SNTG2: variants seen among roughly 807,000 people sequenced by gnomAD.
The protein encoded by SNTG2 is syntrophin gamma 2.
Under a neutral mutation model 70.9 loss-of-function variants are expected in SNTG2, and 74 were observed. The ratio of observed to expected loss-of-function variants is 1.04; its 90% CI spans 0.86 to 1.27. The LOEUF (loss-of-function observed/expected upper bound fraction) is 1.27, where lower values mean the gene tolerates loss of function less well. Ranked by LOEUF, SNTG2 falls within the 50% of genes most tolerant of loss-of-function variation. The pLI is 0.00. For missense variants in SNTG2, 717 were observed against 690.7 expected, an observed-to-expected ratio of 1.04 and a Z score of -0.43; for synonymous variants, 278 against 273.8, an observed-to-expected ratio of 1.02 and a Z score of -0.15.
At chr2:1,108,957 GTA>G (rs1258849123) in intron 4 of SNTG2, among the ~76,000 whole-genome samples, 3 of 19,130 alleles carry the variant, frequency 1.6e-4, no homozygotes, top group Non-Finnish European at 1.9e-4. Context: ...CGGGTGCAGG[GTA>G]TGGAGAGCTC....
intron 8 of SNTG2, among the ~76,000 whole-genome samples, chr2:1,202,032 C>A (rs1361359857): frequency 6.6e-6 from 1 of 151,846 alleles, no homozygotes; most frequent in African/African-American, 2.4e-5. Flanking sequence ...GAAAATGTTG[C>A]CAGTAGACCT....
rs529395788 is a variant in SNTG2, at chr2:1,166,601, G to T, written c.499+966G>T. The stretch of plus-strand genomic sequence containing the variant: ...CATTGGGTTTTTCACTGATACAGGA[G>T]GGGGGCAGGGAAGTGCTGGGAGGAG... On this transcript the variant is annotated intron_variant, in intron 7 of 16. Transcript: ENST00000308624. Among the ~76,000 whole-genome samples, 20 of 152,320 alleles carry T rather than the reference G, an allele frequency of 1.3e-4. 1 individual carries two copies. The highest frequency in any genetic ancestry group is 3.9e-4 in the East Asian group (2 of 5,188).
intron 16 of SNTG2, among the ~76,000 whole-genome samples, chr2:1,337,859 C>G (rs544309503): frequency 6.6e-6 from 1 of 152,054 alleles, no homozygotes; most frequent in Non-Finnish European, 1.5e-5. Context: ...GTCCTTGATT[C>G]ATTTGGGGTT....
At chr2:1,026,068 A>G (rs543083125) in intron 1 of SNTG2, among the ~76,000 whole-genome samples, 8 of 152,324 alleles carry the variant, frequency 5.3e-5, no homozygotes, top group Non-Finnish European at 1.0e-4. Context: ...ATTCTTTAAA[A>G]CCAGTCCAAA....
At chr2:1,128,850 G>A (rs530106499) in intron 4 of SNTG2, among the ~76,000 whole-genome samples, 1 of 152,164 alleles carries the variant, frequency 6.6e-6, no homozygotes, top group South Asian at 2.1e-4. Context: ...TCTTTTCACA[G>A]CCACTTAATG....
chr2:1,099,682 T>TGTGGTGAGGGCAGTC (rs1665655085), intron 4 of SNTG2, among the ~76,000 whole-genome samples: 1 of 31,542 alleles, frequency 3.2e-5, no homozygotes, highest in Non-Finnish European at 7.4e-5. Context: ...TGAGGGCAGT[T>TGTGGTGAGGGCAGTC]GTGGTGAGGG....
chr2:1,199,511 T>C (rs1366986322), intron 8 of SNTG2, among the ~76,000 whole-genome samples: 2 of 152,022 alleles, frequency 1.3e-5, no homozygotes, highest in African/African-American at 4.8e-5. Flanking sequence ...GTCCTGGAAG[T>C]CCTAGACAGA....
intron 4 of SNTG2, among the ~76,000 whole-genome samples, chr2:1,100,524 T>C (rs1407115903): frequency 6.6e-6 from 1 of 152,182 alleles, no homozygotes; most frequent in Non-Finnish European, 1.5e-5. Flanking sequence ...ATGTATTACA[T>C]CAAGTGTTAT....
chr2:1,040,287 C>G, intron 1 of SNTG2, among the ~76,000 whole-genome samples: 1 of 152,198 alleles, frequency 6.6e-6, no homozygotes, highest in East Asian at 1.9e-4. Flanking sequence ...TTGAAGCTTC[C>G]CAGGCCATTC....
chr2:1,033,825 G>A (rs1230484493), intron 1 of SNTG2, among the ~76,000 whole-genome samples: 1 of 152,164 alleles, frequency 6.6e-6, no homozygotes, highest in Non-Finnish European at 1.5e-5. Context: ...TTAGTTACTG[G>A]TCCAGCCTGT....
At chr2:1,159,421 T>C (rs781675163) in intron 6 of SNTG2, 1 of 152,216 alleles carries the variant, frequency 6.6e-6, no homozygotes, top group Non-Finnish European at 1.5e-5. Flanking sequence ...AGATGATATC[T>C]AGTAAACAAA....
At chr2:971,717 T>TA (rs1660746255) in intron 1 of SNTG2, among the ~76,000 whole-genome samples, 2 of 151,732 alleles carry the variant, frequency 1.3e-5, no homozygotes. Flanking sequence ...TTTCCTCCTT[T>TA]TTTTTTTTCT....
chr2:1,236,556 C>T (rs1676673191), intron 9 of SNTG2, among the ~76,000 whole-genome samples: 1 of 152,244 alleles, frequency 6.6e-6, no homozygotes, highest in African/African-American at 2.4e-5. Context: ...TGTTCATCGC[C>T]ATCAGGCAGA....
intron 1 of SNTG2, among the ~76,000 whole-genome samples, chr2:986,534 G>A (rs1395377379): frequency 1.3e-5 from 2 of 152,220 alleles, no homozygotes; most frequent in Non-Finnish European, 2.9e-5. Flanking sequence ...TTTCAGATAA[G>A]ACACATTTGG....
At chr2:1,300,007 G>A (rs1680381427) in intron 14 of SNTG2, among the ~76,000 whole-genome samples, 1 of 151,606 alleles carries the variant, frequency 6.6e-6, no homozygotes, top group Admixed American at 6.6e-5. Context: ...TGAAGGGCGT[G>A]CAAGACAGGT....
At chr2:1,260,702 A>G (rs1485996417) in intron 13 of SNTG2, among the ~76,000 whole-genome samples, 1 of 152,224 alleles carries the variant, frequency 6.6e-6, no homozygotes, top group African/African-American at 2.4e-5. Flanking sequence ...TGAAAATGGC[A>G]AAAAGGAAGC....
intron 1 of SNTG2, among the ~76,000 whole-genome samples, chr2:1,079,754 A>C (rs1664159818): frequency 6.6e-6 from 1 of 152,234 alleles, no homozygotes; most frequent in African/African-American, 2.4e-5. Flanking sequence ...AGGACAATTA[A>C]CCGGTAGCAA....
At chr2:1,234,303 G>T (rs565627317) in intron 9 of SNTG2, among the ~76,000 whole-genome samples, 1 of 152,196 alleles carries the variant, frequency 6.6e-6, no homozygotes, top group Non-Finnish European at 1.5e-5. Flanking sequence ...AGTGAGCCAC[G>T]CTGTGAACTT....
At chr2:1,103,389 T>TA in intron 4 of SNTG2, 1 of 293,634 alleles carries the variant, frequency 3.4e-6, no homozygotes, top group Non-Finnish European at 6.8e-6. Flanking sequence ...CTTTTTTTTT[T>TA]TATTTTTTTT....
Sources: allele counts gnomAD v4.1 joint callset (sites outside exome capture counted in the v4.1 genomes callset), GRCh38; gene constraint gnomAD v4.1.1; transcripts MANE v1.5; gene names NCBI Gene and HGNC (gene_info 2026-07-23, HGNC 2026-07-21).